The following TMEM132D variants were observed in gnomAD, a reference collection of about 807,000 sequenced individuals.
The protein encoded by TMEM132D is transmembrane protein 132D.
A neutral mutation model predicts 62.3 loss-of-function variants in TMEM132D; 21 were observed. That is an observed-to-expected ratio of 0.34 (90% confidence interval 0.24 to 0.49). The LOEUF (loss-of-function observed/expected upper bound fraction) is 0.49. TMEM132D is among the 20% of genes least tolerant of loss of function. The pLI, the probability that TMEM132D is intolerant of heterozygous loss-of-function variation, is 0.99. For missense variants in TMEM132D, 1,346 were observed against 1,402.8 expected, an observed-to-expected ratio of 0.96 and a Z score of 0.65; for synonymous variants, 621 against 575.6, an observed-to-expected ratio of 1.08 and a Z score of -1.13.
At position 129,277,569 on chromosome 12, in the gene TMEM132D, G is replaced by A. The variant is rs1252918302; in HGVS notation, c.1299+60065C>T. Among the ~76,000 whole-genome samples the A allele has an allele frequency of 6.6e-6, 1 of 152,154 alleles. No homozygotes were observed. The highest frequency in any genetic ancestry group is 1.5e-5 in the Non-Finnish European group (1 of 68,018). ...TTGATGTAGCCATTTCAGGAATAAA[G>A]CCAGATATTTAAAAGTTGTGCTCAG... On this transcript the variant is annotated intron_variant, in intron 4 of 8. Coordinates refer to ENST00000422113, the MANE Select transcript of TMEM132D (RefSeq NM_133448.3). The surrounding 1 kb of genome is among the most constrained non-coding windows in gnomAD (Gnocchi z 4.2).
In TMEM132D at chr12:129,082,025, C is replaced by T. The variant is rs148801176; in HGVS notation, c.1657G>A (p.Gly553Arg). The T allele has an allele frequency of 1.3e-4, 205 of 1,602,272 alleles. No homozygotes were observed. Among genetic ancestry groups the T allele is most frequent in the Middle Eastern group, 5.2e-4 (3 of 5,760 alleles). The change falls in exon 7 of 9, where the codon GGG becomes AGG. Residue 553 changes from glycine to arginine, a missense_variant. Coordinates refer to ENST00000422113, the MANE Select transcript of TMEM132D (RefSeq NM_133448.3). Reference sequence around the variant, plus strand: ...TCATCCTCCTCCTCTTCACTGTCCCCGGCAGGCCTGTGAAAGAAGCAGTGC... The same window carrying T: ...TCATCCTCCTCCTCTTCACTGTCCCTGGCAGGCCTGTGAAAGAAGCAGTGC... ...VPIVSSRRPAGDSEEEEDDER... is the reference protein window; with the variant it reads ...VPIVSSRRPARDSEEEEDDER...
intron 3 of TMEM132D, among the ~76,000 whole-genome samples, chr12:129,504,118 A>G (rs1875256822): frequency 6.6e-6 from 1 of 151,994 alleles, no homozygotes; most frequent in African/African-American, 2.4e-5. Flanking sequence ...TGTCACCATC[A>G]CTGCCAACAC....
intron 2 of TMEM132D, among the ~76,000 whole-genome samples, chr12:129,659,712 T>G (rs1482435793): frequency 6.6e-6 from 1 of 152,248 alleles, no homozygotes; most frequent in Non-Finnish European, 1.5e-5. Context: ...AATATTATCC[T>G]AAATGACACA....
At chr12:129,539,855 G>T (rs1431428964) in intron 2 of TMEM132D, among the ~76,000 whole-genome samples, 1 of 152,140 alleles carries the variant, frequency 6.6e-6, no homozygotes, top group Non-Finnish European at 1.5e-5. Context: ...GCAGCTCAAA[G>T]CCAGAAACGG....
At chr12:129,194,574 C>T (rs1036540514) in intron 5 of TMEM132D, among the ~76,000 whole-genome samples, 1 of 152,074 alleles carries the variant, frequency 6.6e-6, no homozygotes, top group Admixed American at 6.6e-5. Context: ...AGTTTACCTA[C>T]GTAACAAACC....
At chr12:129,605,660 CAT>C (rs34667480) in intron 2 of TMEM132D, among the ~76,000 whole-genome samples, 39,834 of 140,794 alleles carry the variant, frequency 0.28, 6,415 homozygotes, top group Non-Finnish European at 0.36. Context: ...TATACATATA[CAT>C]ATATATATAT....
At chr12:129,212,632 G>C (rs952769090) in intron 4 of TMEM132D, 2 of 152,160 alleles carry the variant, frequency 1.3e-5, no homozygotes, top group African/African-American at 4.8e-5. Flanking sequence ...GCAGAGCCTA[G>C]GAAATAAAGG....
intron 4 of TMEM132D, among the ~76,000 whole-genome samples, chr12:129,234,932 C>A (rs1348868104): frequency 6.6e-6 from 1 of 151,980 alleles, no homozygotes; most frequent in Non-Finnish European, 1.5e-5. Flanking sequence ...AATTAGTTGG[C>A]CAAAGAACCT....
intron 4 of TMEM132D, among the ~76,000 whole-genome samples, chr12:129,232,389 A>G (rs756327032): frequency 1.3e-5 from 2 of 152,238 alleles, no homozygotes; most frequent in Non-Finnish European, 2.9e-5. Flanking sequence ...ATGTTAAAAT[A>G]CAATGATGGT....
chr12:129,700,268 G>A lies in TMEM132D; in HGVS notation c.510C>T (p.Val170=), dbSNP rs796791713. 6.2e-7 allele frequency: 1 copy of A among 1,613,424 alleles called. No homozygotes were observed. Among genetic ancestry groups the A allele is most frequent in the Non-Finnish European group, 8.5e-7 (1 of 1,180,006 alleles). Reference sequence around the variant, plus strand: ...CCTCTCGGGTCTCTCGGAAAGCAAAGACCCTCAGGCACGGCAGCTTCTCCC... The same window carrying A: ...CCTCTCGGGTCTCTCGGAAAGCAAAAACCCTCAGGCACGGCAGCTTCTCCC... ...SAGEKLPCLR[V]FAFRETREVR... is the part of the protein sequence containing the mutation. Residue 170 remains valine, a synonymous_variant, in exon 2 of 9, where the codon GTC becomes GTT. Coordinates refer to ENST00000422113, the MANE Select transcript of TMEM132D (RefSeq NM_133448.3).
chr12:129,843,273 T>C (rs945463247), intron 1 of TMEM132D, among the ~76,000 whole-genome samples: 1 of 152,086 alleles, frequency 6.6e-6, no homozygotes, highest in Non-Finnish European at 1.5e-5. Context: ...GACCAAATAA[T>C]AGATTAAGAA....
chr12:129,539,192 GAATGGCATGC>G (rs951438359), intron 2 of TMEM132D, among the ~76,000 whole-genome samples: 4 of 151,840 alleles, frequency 2.6e-5, no homozygotes, highest in Non-Finnish European at 4.4e-5. Flanking sequence ...ACACTACTCA[GAATGGCATGC>G]AATTTAAAAC....
At position 129,827,894 on chromosome 12, in the gene TMEM132D, A is replaced by G. The variant is rs1480927829; in HGVS notation, c.79+75367T>C. Among the ~76,000 whole-genome samples, 1 of 152,214 alleles carries G rather than the reference A, an allele frequency of 6.6e-6. No homozygotes were observed. Among genetic ancestry groups the G allele is most frequent in the African/African-American group, 2.4e-5 (1 of 41,456 alleles). ...TACAGCCACTAAGTGATAAAACCAT[A>G]ATCTTCCTAAAGAAATGGGCCACAT... On this transcript the variant is annotated intron_variant, in intron 1 of 8. Coordinates refer to ENST00000422113, the MANE Select transcript of TMEM132D (RefSeq NM_133448.3). The surrounding 1 kb of genome is among the most constrained non-coding windows in gnomAD (Gnocchi z 9.7).
chr12:129,461,404 G>T (rs886359670), intron 3 of TMEM132D, among the ~76,000 whole-genome samples: 38 of 152,118 alleles, frequency 2.5e-4, no homozygotes, highest in African/African-American at 8.9e-4. Context: ...GGCTCTGCTA[G>T]CCCAGCCACC....
intron 3 of TMEM132D, among the ~76,000 whole-genome samples, chr12:129,363,048 C>T (rs1356690044): frequency 6.6e-6 from 1 of 152,206 alleles, no homozygotes; most frequent in African/African-American, 2.4e-5. Context: ...TACACTCCTT[C>T]CTCCATCTTT....
chr12:129,612,792 G>A (rs59695145), intron 2 of TMEM132D, among the ~76,000 whole-genome samples: 1,565 of 152,182 alleles, frequency 0.01, 19 homozygotes, highest in African/African-American at 0.035. Context: ...TGGGCTTTTT[G>A]GAAGGCAGAG....
chr12:129,362,612 T>TA (rs1248434682), intron 3 of TMEM132D, among the ~76,000 whole-genome samples: 2 of 152,080 alleles, frequency 1.3e-5, no homozygotes, highest in South Asian at 2.1e-4. Context: ...TTTCTTATTT[T>TA]AAAAAAACAA....
At chr12:129,139,895 T>C (rs1429763544) in intron 5 of TMEM132D, among the ~76,000 whole-genome samples, 1 of 152,022 alleles carries the variant, frequency 6.6e-6, no homozygotes, top group African/African-American at 2.4e-5. Flanking sequence ...ATTTTTTTTT[T>C]TGTAGAGACA....
intron 2 of TMEM132D, among the ~76,000 whole-genome samples, chr12:129,568,675 T>C (rs1307715268): frequency 6.6e-6 from 1 of 152,244 alleles, no homozygotes; most frequent in Non-Finnish European, 1.5e-5. Context: ...CACAAACTTC[T>C]TATGTTTGGT....
Sources: allele counts gnomAD v4.1 joint callset (sites outside exome capture counted in the v4.1 genomes callset), GRCh38; gene constraint gnomAD v4.1.1; non-coding constraint Gnocchi (gnomAD v3.1); transcripts MANE v1.5; gene names NCBI Gene and HGNC (gene_info 2026-07-23, HGNC 2026-07-21).